MYO1B: variants seen among roughly 807,000 people sequenced by gnomAD.
MYO1B encodes unconventional myosin-Ib.
A neutral mutation model predicts 159.7 loss-of-function variants in MYO1B; 72 were observed. The ratio of observed to expected loss-of-function variants is 0.45; its 90% CI spans 0.37 to 0.55. The LOEUF is 0.55. MYO1B is among the 20% of genes least tolerant of loss of function. The probability of loss-of-function intolerance (pLI) is 0.00; values close to 1 mark genes in which losing one functional copy is unlikely to be tolerated. For missense variants in MYO1B, 1,062 were observed against 1,364.8 expected (o/e 0.78, Z 3.50); for synonymous variants, 468 against 473.8 (o/e 0.99, Z 0.16).
intron 3 of MYO1B, among the ~76,000 whole-genome samples, chr2:191,299,663 G>C (rs140288502): frequency 1.1e-3 from 174 of 152,248 alleles, no homozygotes; most frequent in Non-Finnish European, 2.2e-3. Flanking sequence ...AATTTGATGA[G>C]GGTTCAGTAA....
At chr2:191,284,120 G>A (rs984664848) in intron 2 of MYO1B, among the ~76,000 whole-genome samples, 2 of 152,166 alleles carry the variant, frequency 1.3e-5, no homozygotes, top group Admixed American at 1.3e-4. Context: ...CAGGATGACA[G>A]GTAACTGACA....
At chr2:191,409,207 G>A (rs753687799) in intron 26 of MYO1B, 29 bp downstream of exon 26, 1 of 1,589,620 alleles carries the variant, frequency 6.3e-7, no homozygotes. Context: ...CATCTTTTCG[G>A]AGACTTTCTT....
At position 191,293,949 on chromosome 2, in the gene MYO1B, T is replaced by C. The variant is rs56225496; in HGVS notation, c.136-2162T>C. On this transcript the variant is annotated intron_variant, in intron 2 of 30. Transcript: ENST00000392318. ...GAGTATAGTATATTTGATCTTATATTTCAATGCAAGAATAATTAGATGTGT... is the reference window on the plus strand; with the variant it reads ...GAGTATAGTATATTTGATCTTATATCTCAATGCAAGAATAATTAGATGTGT... Among the ~76,000 whole-genome samples, 757 of 152,308 alleles carry C rather than the reference T, an allele frequency of 5.0e-3. 9 individuals carry two copies. Among genetic ancestry groups the C allele is most frequent in the African/African-American group, 0.017 (715 of 41,568 alleles).
intron 30 of MYO1B, among the ~76,000 whole-genome samples, chr2:191,417,834 G>A (rs542190300): frequency 3.9e-5 from 6 of 152,306 alleles, no homozygotes; most frequent in Admixed American, 3.3e-4. Context: ...ATAGCGTGTG[G>A]CGTGAATCCT....
intron 7 of MYO1B, among the ~76,000 whole-genome samples, chr2:191,356,532 G>A (rs542856957): frequency 3.9e-4 from 59 of 152,020 alleles, no homozygotes; most frequent in African/African-American, 1.3e-3. Context: ...TTACTTTGTT[G>A]TTCTTCATAC....
intron 11 of MYO1B, among the ~76,000 whole-genome samples, chr2:191,366,910 CTG>C (rs1312128024): frequency 1.3e-5 from 2 of 151,686 alleles, no homozygotes; most frequent in East Asian, 3.9e-4. Flanking sequence ...CTTGTTTCCT[CTG>C]TGTTAGTTTG....
Position 191,393,223 on chromosome 2 carries a change from G to T in MYO1B, c.2226+1G>T. ...TGCCGCCTGGTACAGGAGATATGCG[G>T]TAAGAGTCTCAGTCATTTTAAATCA... On this transcript the variant is annotated splice_donor_variant, in intron 20 of 30. Transcript: ENST00000392318. LOFTEE classifies it high-confidence loss of function. 6.2e-7 allele frequency: 1 copy of T among 1,613,582 alleles called. No homozygotes were observed. Among genetic ancestry groups the T allele is most frequent in the Admixed American group, 1.7e-5 (1 of 59,972 alleles).
At chr2:191,274,104 C>T (rs900414031) in intron 1 of MYO1B, among the ~76,000 whole-genome samples, 4 of 152,306 alleles carry the variant, frequency 2.6e-5, no homozygotes, top group Non-Finnish European at 4.4e-5. Flanking sequence ...ACTGGATCTT[C>T]TCCCAGTGTC....
intron 3 of MYO1B, among the ~76,000 whole-genome samples, chr2:191,323,839 G>A (rs1162046494): frequency 6.6e-6 from 1 of 152,096 alleles, no homozygotes; most frequent in East Asian, 1.9e-4. Context: ...CCAAAGGAAA[G>A]CAACATGGCC....
intron 3 of MYO1B, among the ~76,000 whole-genome samples, chr2:191,310,989 T>C (rs1019879957): frequency 2.0e-5 from 3 of 152,238 alleles, no homozygotes; most frequent in African/African-American, 7.2e-5. Flanking sequence ...CAATGTAATT[T>C]AGGAAGGGGC....
intron 30 of MYO1B, chr2:191,416,502 G>A (rs532658088): frequency 5.8e-5 from 25 of 431,878 alleles, no homozygotes; most frequent in African/African-American, 4.4e-4. Context: ...AGTGTTTATG[G>A]AGGAAAAAAA....
chr2:191,403,913 T>C (rs1393465287), intron 24 of MYO1B, among the ~76,000 whole-genome samples: 1 of 152,170 alleles, frequency 6.6e-6, no homozygotes, highest in Non-Finnish European at 1.5e-5. Context: ...CATTTTTGCA[T>C]TAGGGGTGTA....
intron 1 of MYO1B, among the ~76,000 whole-genome samples, chr2:191,270,727 T>C (rs1279804279): frequency 6.6e-6 from 1 of 152,222 alleles, no homozygotes; most frequent in Non-Finnish European, 1.5e-5. Context: ...TGCTGAGAGT[T>C]ACTGTGTTCA....
chr2:191,416,808 C>T (rs923916720), intron 30 of MYO1B, among the ~76,000 whole-genome samples: 4 of 151,284 alleles, frequency 2.6e-5, no homozygotes, highest in Middle Eastern at 3.4e-3. Flanking sequence ...TGTGAGACTC[C>T]GTCTCAGAAA....
chr2:191,377,549 T>C (rs1325326358), intron 13 of MYO1B: 1 of 152,166 alleles, frequency 6.6e-6, no homozygotes, highest in Non-Finnish European at 1.5e-5. Flanking sequence ...ACATATAAAG[T>C]TGCTTTGGGG....
At chr2:191,287,688 A>G (rs1163037538) in intron 2 of MYO1B, among the ~76,000 whole-genome samples, 1 of 152,194 alleles carries the variant, frequency 6.6e-6, no homozygotes, top group East Asian at 1.9e-4. Context: ...ACATAGGTAG[A>G]ATCTGAGTAA....
intron 7 of MYO1B, among the ~76,000 whole-genome samples, chr2:191,354,258 A>ATAATAT (rs1189110698): frequency 2.3e-5 from 1 of 44,146 alleles, no homozygotes; most frequent in Non-Finnish European, 4.4e-5. Flanking sequence ...TCCGTCTTAA[A>ATAATAT]TAATAATAAT....
At position 191,281,962 on chromosome 2, in the gene MYO1B, A is replaced by T. The variant is rs189855680; in HGVS notation, c.135+4932A>T. Among the ~76,000 whole-genome samples the T allele has an allele frequency of 1.8e-3, 277 of 152,308 alleles. 3 individuals are homozygous for T. The Middle Eastern group carries it at 0.02, about 11-fold the overall frequency. On this transcript the variant is annotated intron_variant, in intron 2 of 30. Coordinates refer to ENST00000392318, the MANE Select transcript of MYO1B (RefSeq NM_001130158.3). ...AAAGTTGTCTTAAGTTATAGAAGTT[A>T]ATACTAGAATTAGGATTCCCAGGAT...
At chr2:191,265,229 T>C (rs1687068201) in intron 1 of MYO1B, among the ~76,000 whole-genome samples, 1 of 150,554 alleles carries the variant, frequency 6.6e-6, no homozygotes, top group Non-Finnish European at 1.5e-5. Context: ...TCTGCCATAG[T>C]GTATCCCAGG....
Sources: allele counts gnomAD v4.1 joint callset (sites outside exome capture counted in the v4.1 genomes callset), GRCh38; gene constraint gnomAD v4.1.1; transcripts MANE v1.5; gene names NCBI Gene and HGNC (gene_info 2026-07-23, HGNC 2026-07-21).